The following IQGAP1 variants were observed in gnomAD, a reference collection of about 807,000 sequenced individuals.
IQGAP1 encodes ras GTPase-activating-like protein IQGAP1.
Under a neutral mutation model 215.6 loss-of-function variants are expected in IQGAP1, and 66 were observed. The ratio of observed to expected loss-of-function variants is 0.31; its 90% CI spans 0.25 to 0.38. The LOEUF (loss-of-function observed/expected upper bound fraction) is 0.38. Among genes scored for constraint, IQGAP1 ranks in the 10% least tolerant of loss-of-function variants. IQGAP1 has a pLI of 1.00. For missense variants in IQGAP1, 1,712 were observed against 1,997.1 expected, an observed-to-expected ratio of 0.86 and a Z score of 2.72; for synonymous variants, 772 against 728.7, an observed-to-expected ratio of 1.06 and a Z score of -0.96.
chr15:90,496,334 T>C (rs77720116), intron 36 of IQGAP1, among the ~76,000 whole-genome samples: 4 of 111,366 alleles, frequency 3.6e-5, no homozygotes, highest in Admixed American at 2.0e-4. Flanking sequence ...TTTTTTTTTT[T>C]TGAGACGGAG....
Position 90,453,182 on chromosome 15 carries a change from G to C in IQGAP1, c.1377G>C (p.Ser459=), listed in dbSNP as rs147204739. Residue 459 remains serine, a synonymous_variant, in exon 13 of 38, where the codon TCG becomes TCC. Transcript: ENST00000268182. ...CTGTCGCAGTGGAGATGTTGTCATC[G>C]GTGGCCCTGATCAACAGGGCATTGG... ...ELSVAVEMLS[S]VALINRALES... 2 of 1,613,776 alleles carry C rather than the reference G, an allele frequency of 1.2e-6. No homozygotes were observed. The highest frequency in any genetic ancestry group is 2.2e-5 in the East Asian group (1 of 44,888).
chr15:90,437,614 T>C (rs1355494626), intron 5 of IQGAP1, among the ~76,000 whole-genome samples: 3 of 152,188 alleles, frequency 2.0e-5, no homozygotes, highest in Non-Finnish European at 4.4e-5. Flanking sequence ...TGATCTTGAC[T>C]CATTGTAACA....
Position 90,473,967 on chromosome 15 carries a change from T to G in IQGAP1, c.2505T>G (p.His835Gln). ...YRDRLQYFRDHINDIIKIQAF... is the reference protein window; with the variant it reads ...YRDRLQYFRDQINDIIKIQAF... ...ATCGCCTGCAGTACTTCCGGGACCA[T>G]GTAAGCACCCTTGGATCATACAGGC... is the stretch of plus-strand genomic sequence containing the variant. Residue 835 changes from histidine (H) to glutamine (Q), a missense_variant and splice_region_variant, in exon 21 of 38, where the codon CAT (histidine) becomes CAG (glutamine). This residue lies in a region of IQGAP1 where 1,021 missense variants were observed against 1,074.2 expected (regional missense o/e 0.95). Coordinates refer to ENST00000268182, the MANE Select transcript of IQGAP1 (RefSeq NM_003870.4). The G allele has an allele frequency of 6.2e-7, 1 of 1,614,032 alleles. No homozygotes were observed. Among genetic ancestry groups the G allele is most frequent in the Non-Finnish European group, 8.5e-7 (1 of 1,179,940 alleles).
intron 15 of IQGAP1, among the ~76,000 whole-genome samples, chr15:90,465,344 A>G (rs1965815374): frequency 6.6e-6 from 1 of 152,162 alleles, no homozygotes; most frequent in African/African-American, 2.4e-5. Context: ...CTGCATATTC[A>G]TATATATACC....
In IQGAP1 at chr15:90,500,670, A is replaced by G. The variant is rs985849508; in HGVS notation, c.*562A>G. 4.6e-5 allele frequency: 7 copies of G among 152,300 alleles called. No homozygotes were observed. The highest frequency in any genetic ancestry group is 1.7e-4 in the African/African-American group (7 of 41,472). The allele number at this position is 152,300 out of a possible 1,614,324, so 9.4% of individuals were successfully genotyped here. A position where few individuals can be genotyped will look rare whatever the true frequency, so the allele number is the denominator to read the frequency against. ...TTCCATTGTGTTTTTCTTTATGGAC[A>G]GGAGCTAATGGAAGTGACAGTCATG... On this transcript the variant is annotated 3_prime_UTR_variant, in exon 38 of 38. Transcript: ENST00000268182.
intron 2 of IQGAP1, among the ~76,000 whole-genome samples, chr15:90,411,444 C>A (rs947320260): frequency 6.6e-6 from 1 of 152,126 alleles, no homozygotes; most frequent in African/African-American, 2.4e-5. Flanking sequence ...CCTCACCTGG[C>A]AGTACTGTGT....
chr15:90,446,767 G>T (rs1724418204), intron 9 of IQGAP1, among the ~76,000 whole-genome samples: 1 of 152,140 alleles, frequency 6.6e-6, no homozygotes, highest in Non-Finnish European at 1.5e-5. Context: ...AGGCCAAGCA[G>T]TTAAAAATTA....
Position 90,454,562 on chromosome 15 carries a change from C to T in IQGAP1, c.1612+10C>T. 6.5e-7 allele frequency: 1 copy of T among 1,535,420 alleles called. No homozygotes were observed. Among genetic ancestry groups the T allele is most frequent in the Non-Finnish European group, 8.7e-7 (1 of 1,143,562 alleles). ...CAAGAGGAACATGAGAGTGAGTTAT[C>T]TTCCTGTCCTCCCCAAATAATGTCA... is the stretch of plus-strand genomic sequence containing the variant. On this transcript the variant is annotated intron_variant, in intron 14 of 37. Transcript: ENST00000268182.
intron 2 of IQGAP1, among the ~76,000 whole-genome samples, chr15:90,411,897 TAAAC>T (rs1448059287): frequency 6.6e-6 from 1 of 152,140 alleles, no homozygotes; most frequent in Admixed American, 6.6e-5. Flanking sequence ...AGCCGAGACT[TAAAC>T]AAACGAAAAA....
At chr15:90,403,465 C>T (rs1002084006) in intron 2 of IQGAP1, among the ~76,000 whole-genome samples, 3 of 151,884 alleles carry the variant, frequency 2.0e-5, no homozygotes, top group Non-Finnish European at 2.9e-5. Context: ...AATACACAGA[C>T]GTGATACATA....
chr15:90,389,790 T>TA (rs559734539), intron 1 of IQGAP1, among the ~76,000 whole-genome samples: 2,183 of 134,874 alleles, frequency 0.016, 23 homozygotes, highest in Non-Finnish European at 0.021. Flanking sequence ...CTCCATCTCT[T>TA]AAAAAAAAAA....
At chr15:90,489,715 T>TA (rs1162928644) in intron 33 of IQGAP1, among the ~76,000 whole-genome samples, 13 of 152,320 alleles carry the variant, frequency 8.5e-5, no homozygotes, top group African/African-American at 2.9e-4. Context: ...CTATGACTGA[T>TA]TACTGATTAG....
intron 10 of IQGAP1, 134 bp downstream of exon 10, chr15:90,448,870 A>G (rs896464029): frequency 2.7e-6 from 2 of 734,084 alleles, no homozygotes; most frequent in Non-Finnish European, 3.8e-6. Flanking sequence ...AAATTAGTTT[A>G]AAAAAAAATC....
chr15:90,421,578 G>A (rs571519265), intron 2 of IQGAP1, among the ~76,000 whole-genome samples: 1 of 152,324 alleles, frequency 6.6e-6, no homozygotes, highest in East Asian at 1.9e-4. Context: ...TTTAAGCTGA[G>A]GCTTTGTGGT....
Position 90,429,620 on chromosome 15 carries a change from A to T in IQGAP1, c.344A>T (p.Asn115Ile). 6.2e-7 allele frequency: 1 copy of T among 1,609,324 alleles called. No homozygotes were observed. The highest frequency in any genetic ancestry group is 8.5e-7 in the Non-Finnish European group (1 of 1,178,630). The change falls in exon 4 of 38, where the codon AAT (asparagine) becomes ATT (isoleucine). Residue 115 changes from asparagine to isoleucine, a missense_variant. Around this residue, in one of 2 missense-constraint regions of IQGAP1, gnomAD observed 1,021 missense variants for 1,074.2 expected, o/e 0.95. Transcript: ENST00000268182. ...GGCCTCCACTTTAGACACACTGATA[A>T]TGTGATTCAGTGGTTGAATGCCATG... ...ATGLHFRHTD[N>I]VIQWLNAMDE...
chr15:90,453,384 ATTAC>A (rs1371022671), intron 13 of IQGAP1, 92 bp downstream of exon 13: 17 of 956,450 alleles, frequency 1.8e-5, no homozygotes, highest in Non-Finnish European at 2.3e-5. Context: ...TGCAGGCATT[ATTAC>A]TTTATCATGG....
intron 2 of IQGAP1, among the ~76,000 whole-genome samples, chr15:90,415,744 T>C (rs933547085): frequency 6.6e-6 from 1 of 152,200 alleles, no homozygotes; most frequent in Non-Finnish European, 1.5e-5. Context: ...TTTCCACCAT[T>C]GTCCCAGTTA....
chr15:90,390,828 A>G lies in IQGAP1; in HGVS notation c.110A>G (p.Gln37Arg). ...TAEEMDERRR[Q>R]NVAYEYLCHL... ...GAGGAGATGGATGAAAGGAGACGTC[A>G]GAACGTGGCTTATGAGTACCTTTGT... Residue 37 changes from glutamine to arginine, a missense_variant, in exon 2 of 38, where the codon CAG becomes CGG. Physicochemically the swap from Gln to Arg is conservative, Grantham distance 43 (BLOSUM62 1). Around this residue, in one of 2 missense-constraint regions of IQGAP1, gnomAD observed 1,021 missense variants for 1,074.2 expected, o/e 0.95. Coordinates refer to ENST00000268182, the MANE Select transcript of IQGAP1 (RefSeq NM_003870.4). 1 of 1,613,422 alleles carries G rather than the reference A, an allele frequency of 6.2e-7. No homozygotes were observed. Among genetic ancestry groups the G allele is most frequent in the Non-Finnish European group, 8.5e-7 (1 of 1,179,300 alleles).
intron 5 of IQGAP1, 82 bp from the exon 6 acceptor site, chr15:90,439,250 A>C: frequency 1.1e-6 from 1 of 930,232 alleles, no homozygotes. Flanking sequence ...TCTATTTTAT[A>C]CTTCATGCTG....
Sources: allele counts gnomAD v4.1 joint callset (sites outside exome capture counted in the v4.1 genomes callset), GRCh38; gene constraint gnomAD v4.1.1; regional missense constraint gnomAD v4.1.1; transcripts MANE v1.5; gene names NCBI Gene and HGNC (gene_info 2026-07-23, HGNC 2026-07-21).